UHRF2: variants seen among roughly 807,000 people sequenced by gnomAD.
The protein encoded by UHRF2 is E3 ubiquitin-protein ligase UHRF2.
Under a neutral mutation model 96.8 loss-of-function variants are expected in UHRF2, and 23 were observed. That is an observed-to-expected ratio of 0.24 (90% CI 0.17 to 0.34). UHRF2 has a LOEUF of 0.34. Among genes scored for constraint, UHRF2 ranks in the 10% least tolerant of loss-of-function variants. The pLI is 1.00. For missense variants in UHRF2, 685 were observed against 981.5 expected, an observed-to-expected ratio of 0.70 and a Z score of 4.04; for synonymous variants, 385 against 332.6, an observed-to-expected ratio of 1.16 and a Z score of -1.72.
intron 5 of UHRF2, among the ~76,000 whole-genome samples, chr9:6,476,992 A>G (rs1823612503): frequency 6.6e-6 from 1 of 152,110 alleles, no homozygotes; most frequent in Non-Finnish European, 1.5e-5. Context: ...GCAGTTTGGG[A>G]GGCCAAGGTT....
At chr9:6,474,672 C>G (rs919736497) in intron 4 of UHRF2, among the ~76,000 whole-genome samples, 4 of 152,200 alleles carry the variant, frequency 2.6e-5, no homozygotes, top group Non-Finnish European at 5.9e-5. Flanking sequence ...CACCACTGCA[C>G]TCCAGCCTGG....
intron 3 of UHRF2, among the ~76,000 whole-genome samples, chr9:6,454,315 T>C (rs1272129616): frequency 1.3e-5 from 2 of 152,186 alleles, no homozygotes; most frequent in Non-Finnish European, 2.9e-5. Flanking sequence ...CAAAACCTTG[T>C]CACATGAGTT....
At chr9:6,444,771 T>G (rs1278926235) in intron 3 of UHRF2, among the ~76,000 whole-genome samples, 1 of 152,046 alleles carries the variant, frequency 6.6e-6, no homozygotes, top group Non-Finnish European at 1.5e-5. Context: ...CCTGCCTAAT[T>G]TTTGTATTTT....
At chr9:6,430,622 A>C (rs941738314) in intron 2 of UHRF2, among the ~76,000 whole-genome samples, 9 of 152,056 alleles carry the variant, frequency 5.9e-5, no homozygotes, top group Non-Finnish European at 1.3e-4. Flanking sequence ...TCTAACTCTT[A>C]AACACCAAGC....
intron 1 of UHRF2, chr9:6,415,169 A>G (rs1819522511): frequency 6.6e-6 from 1 of 152,244 alleles, no homozygotes; most frequent in African/African-American, 2.4e-5. Context: ...CTTTATTATC[A>G]AATATGCTAA....
chr9:6,493,997 T>C, intron 10 of UHRF2, 65 bp downstream of exon 10: 1 of 1,404,704 alleles, frequency 7.1e-7, no homozygotes, highest in Non-Finnish European at 9.8e-7. Context: ...GGACTGTAAA[T>C]TGTAACTTAC....
intron 12 of UHRF2, chr9:6,499,317 C>CT (rs1825141599): frequency 8.0e-6 from 1 of 125,216 alleles, no homozygotes; most frequent in African/African-American, 3.0e-5. Flanking sequence ...TACTTCAAAT[C>CT]TAACTCTTAG....
At chr9:6,438,194 A>T (rs1346131943) in intron 3 of UHRF2, among the ~76,000 whole-genome samples, 5 of 152,236 alleles carry the variant, frequency 3.3e-5, no homozygotes, top group Admixed American at 3.3e-4. Flanking sequence ...AAGTTTCAGG[A>T]TAACCTAAAC....
chr9:6,483,817 G>C (rs1164434962), intron 8 of UHRF2, among the ~76,000 whole-genome samples: 2 of 152,092 alleles, frequency 1.3e-5, no homozygotes, highest in African/African-American at 4.8e-5. Context: ...AGCCTCCCAA[G>C]TAGCTGGGAT....
At chr9:6,436,218 A>G (rs973179230) in intron 3 of UHRF2, among the ~76,000 whole-genome samples, 3 of 152,188 alleles carry the variant, frequency 2.0e-5, no homozygotes, top group African/African-American at 7.2e-5. Flanking sequence ...TTTCCAGGAT[A>G]TCTGGAAATG....
intron 9 of UHRF2, among the ~76,000 whole-genome samples, chr9:6,491,801 C>T (rs1454120149): frequency 6.6e-6 from 1 of 152,224 alleles, no homozygotes; most frequent in Non-Finnish European, 1.5e-5. Flanking sequence ...GGCAGCAGAA[C>T]TTGTTTAGGC....
chr9:6,506,962 A>G lies in UHRF2; in HGVS notation c.*783A>G, dbSNP rs1188560047. On this transcript the variant is annotated 3_prime_UTR_variant, in exon 16 of 16. Coordinates refer to ENST00000276893, the MANE Select transcript of UHRF2 (RefSeq NM_152896.3). ...TTTGAGGGCTGTGCTGACCTTTGAG[A>G]GGATTTGAAATTGCTTCATATTGTG... 1.3e-5 allele frequency: 2 copies of G among 152,502 alleles called. No homozygotes were observed. The highest frequency in any genetic ancestry group is 2.9e-5 in the Non-Finnish European group (2 of 68,028). 9.4% of individuals were successfully genotyped at this position (152,502 alleles called of 1,614,324 possible).
At chr9:6,465,093 C>G (rs959044112) in intron 4 of UHRF2, among the ~76,000 whole-genome samples, 1 of 152,004 alleles carries the variant, frequency 6.6e-6, no homozygotes, top group Non-Finnish European at 1.5e-5. Flanking sequence ...CAGTTGGGCC[C>G]TGAATTACAT....
chr9:6,430,438 A>G (rs376378212), intron 2 of UHRF2, among the ~76,000 whole-genome samples: 2 of 152,254 alleles, frequency 1.3e-5, no homozygotes, highest in South Asian at 2.1e-4. Flanking sequence ...TTTAAAAATA[A>G]TTGTATATTT....
intron 4 of UHRF2, chr9:6,468,880 G>C (rs555298824): frequency 7.0e-5 from 25 of 355,976 alleles, no homozygotes; most frequent in African/African-American, 5.1e-4. Flanking sequence ...CAGCATAGAT[G>C]CTGATTAAAT....
intron 9 of UHRF2, among the ~76,000 whole-genome samples, chr9:6,491,580 C>T (rs1824662765): frequency 6.6e-6 from 1 of 152,164 alleles, no homozygotes; most frequent in African/African-American, 2.4e-5. Context: ...ATCTGATAGT[C>T]TATAGGGAGG....
At chr9:6,432,810 T>G (rs1205337726) in intron 2 of UHRF2, among the ~76,000 whole-genome samples, 1 of 152,130 alleles carries the variant, frequency 6.6e-6, no homozygotes, top group Admixed American at 6.5e-5. Context: ...GGAATTTCTC[T>G]TGGTTGTTGT....
At chr9:6,469,420 AG>A (rs2130873018) in intron 4 of UHRF2, among the ~76,000 whole-genome samples, 1 of 152,196 alleles carries the variant, frequency 6.6e-6, no homozygotes, top group South Asian at 2.1e-4. Flanking sequence ...CGGGAGGCTG[AG>A]GCAGGAGAAT....
intron 2 of UHRF2, among the ~76,000 whole-genome samples, chr9:6,430,258 C>T (rs1820493649): frequency 6.6e-6 from 1 of 152,198 alleles, no homozygotes; most frequent in Admixed American, 6.5e-5. Context: ...GATCCATCCA[C>T]CCTGGCCCCC....
Sources: allele counts gnomAD v4.1 joint callset (sites outside exome capture counted in the v4.1 genomes callset), GRCh38; gene constraint gnomAD v4.1.1; transcripts MANE v1.5; gene names NCBI Gene and HGNC (gene_info 2026-07-23, HGNC 2026-07-21).